TPRG1: variants seen among roughly 807,000 people sequenced by gnomAD.
TPRG1 encodes the protein tumor protein p63-regulated gene 1 protein.
Under a neutral mutation model 29.3 loss-of-function variants are expected in TPRG1, and 29 were observed. The ratio of observed to expected loss-of-function variants is 0.99; its 90% CI spans 0.74 to 1.35. TPRG1 has a LOEUF of 1.35. Among genes scored for constraint, TPRG1 ranks in the 40% most tolerant of loss-of-function variants. TPRG1 has a pLI of 0.00. For synonymous variants in TPRG1, 130 were observed against 116.8 expected (o/e 1.11, Z -0.73); for missense variants, 327 against 335.0 (o/e 0.98, Z 0.19).
intron 4 of TPRG1, among the ~76,000 whole-genome samples, chr3:189,302,956 T>C (rs1195445906): frequency 1.3e-5 from 2 of 152,194 alleles, no homozygotes; most frequent in Admixed American, 6.5e-5. Context: ...CTGATGGTGA[T>C]GGAGGAGACA....
At chr3:189,233,254 G>A (rs889002448) in intron 3 of TPRG1, among the ~76,000 whole-genome samples, 2 of 151,980 alleles carry the variant, frequency 1.3e-5, no homozygotes, top group Non-Finnish European at 2.9e-5. Flanking sequence ...TTCTTGGAAG[G>A]AAATTATTTC....
At chr3:189,320,151 G>GTTT (rs151175477) in intron 5 of TPRG1, among the ~76,000 whole-genome samples, 14 of 151,996 alleles carry the variant, frequency 9.2e-5, no homozygotes, top group African/African-American at 2.7e-4. Flanking sequence ...TGACAGCGGG[G>GTTT]TTTTTTTGCC....
Position 189,029,862 on chromosome 3 carries a change from G to C in TPRG1, c.-463+5916G>C, listed in dbSNP as rs117521366. ...TCTCTTTCTCTTGCTCTGATCATGT[G>C]ATACGCTGGCTCCCTATTGCCTTCC... On this transcript the variant is annotated intron_variant, in intron 4 of 10. Transcript: ENST00000433971. Among the ~76,000 whole-genome samples, 7 of 152,268 alleles carry C rather than the reference G, an allele frequency of 4.6e-5. No homozygotes were observed. In the East Asian group the frequency reaches 1.4e-3, roughly 29 times the overall value.
chr3:189,108,240 G>A (rs1198294953), intron 1 of TPRG1, among the ~76,000 whole-genome samples: 2 of 152,070 alleles, frequency 1.3e-5, no homozygotes, highest in African/African-American at 2.4e-5. Flanking sequence ...GTCAATCTGC[G>A]ATTGTTTAGA....
intron 4 of TPRG1, among the ~76,000 whole-genome samples, chr3:189,302,160 A>C (rs1319965396): frequency 1.3e-5 from 2 of 152,186 alleles, no homozygotes; most frequent in Non-Finnish European, 2.9e-5. Flanking sequence ...CCCCAGCTAA[A>C]AGGCCCCATA....
At chr3:189,059,186 TC>T (rs934156568) in intron 4 of TPRG1, among the ~76,000 whole-genome samples, 30 of 152,160 alleles carry the variant, frequency 2.0e-4, no homozygotes, top group African/African-American at 7.2e-4. Flanking sequence ...CATGAAGTAG[TC>T]CCAAGTTTCC....
intron 4 of TPRG1, among the ~76,000 whole-genome samples, chr3:189,307,840 A>C (rs922508672): frequency 1.3e-5 from 2 of 152,206 alleles, no homozygotes; most frequent in African/African-American, 4.8e-5. Context: ...ATTTCCACTG[A>C]GAAATAGCTG....
intron 4 of TPRG1, among the ~76,000 whole-genome samples, chr3:189,056,629 C>T (rs143823359): frequency 0.01 from 1,562 of 152,256 alleles, 27 homozygotes; most frequent in African/African-American, 0.036. Context: ...TTTACAAGTT[C>T]CTTGAGGTCA....
intron 1 of TPRG1, 152 bp from the exon 2 acceptor site, chr3:189,207,224 G>C (rs900639351): frequency 5.6e-6 from 8 of 1,434,928 alleles, no homozygotes; most frequent in Non-Finnish European, 7.3e-6. Flanking sequence ...GTGTTATGAA[G>C]CTGTATCCAC....
At chr3:189,286,528 T>TTCC (rs1718085355) in intron 4 of TPRG1, among the ~76,000 whole-genome samples, 1 of 152,036 alleles carries the variant, frequency 6.6e-6, no homozygotes, top group Non-Finnish European at 1.5e-5. Flanking sequence ...TTCCAGGACA[T>TTCC]AGGGGCAGAT....
chr3:189,008,687 G>A (rs995897079), intron 3 of TPRG1, among the ~76,000 whole-genome samples: 1 of 151,960 alleles, frequency 6.6e-6, no homozygotes, highest in Admixed American at 6.6e-5. Context: ...ATTAATTTGG[G>A]TTTTCTTCTT....
intron 4 of TPRG1, among the ~76,000 whole-genome samples, chr3:189,084,767 A>C (rs1717824102): frequency 1.3e-5 from 2 of 152,150 alleles, no homozygotes; most frequent in Admixed American, 1.3e-4. Context: ...GTATCTAGAT[A>C]CAGCCCATTA....
At chr3:189,171,320 A>C (rs567306912), upstream of TPRG1, among the ~76,000 whole-genome samples, 1 of 152,286 alleles carries the variant, frequency 6.6e-6, no homozygotes, top group East Asian at 1.9e-4. Flanking sequence ...CTGCAAAGCC[A>C]TTAAATGACA....
chr3:189,285,793 G>A (rs1717959664), intron 4 of TPRG1, among the ~76,000 whole-genome samples: 1 of 152,172 alleles, frequency 6.6e-6, no homozygotes, highest in East Asian at 1.9e-4. Flanking sequence ...CAAGTCTCCT[G>A]ACTCCAAAGC....
rs527566087 is a variant in TPRG1, at chr3:189,296,513, C to T, written c.480-13873C>T. Among the ~76,000 whole-genome samples the T allele has an allele frequency of 1.4e-4, 15 of 108,888 alleles. No individual in the cohort carries two copies. In the East Asian group the frequency reaches 2.1e-3, roughly 15 times the overall value. The allele number at this position is 108,888 out of a possible 152,430, so 71.4% of individuals were successfully genotyped here. A position where few individuals can be genotyped will look rare whatever the true frequency, so the allele number is the denominator to read the frequency against. Reference sequence around the variant, plus strand: ...ATGTGTAGATCTGTATATCTGTATACGGATGAACAGAAGGAGGGTGTTTCA... The same window carrying T: ...ATGTGTAGATCTGTATATCTGTATATGGATGAACAGAAGGAGGGTGTTTCA... On this transcript the variant is annotated intron_variant, in intron 4 of 5. Transcript: ENST00000345063.
rs561369063 is a variant in TPRG1 at position 189,033,266 on chromosome 3, G to T, written c.-463+9320G>T. ...TGGCTATTGAGAACAGCTACGCAGAGTCATTATTCCTTTTTTTTTTTTTTT... is the reference window on the plus strand; with the variant it reads ...TGGCTATTGAGAACAGCTACGCAGATTCATTATTCCTTTTTTTTTTTTTTT... On this transcript the variant is annotated intron_variant, in intron 4 of 10. Transcript: ENST00000433971. 1.9e-4 allele frequency among the ~76,000 whole-genome samples: 29 copies of T among 151,542 alleles called. 1 individual carries two copies. In the South Asian group the frequency reaches 5.7e-3, roughly 30 times the overall value.
At chr3:189,144,584 G>A (rs1478054178) in intron 3 of TPRG1, among the ~76,000 whole-genome samples, 1 of 152,144 alleles carries the variant, frequency 6.6e-6, no homozygotes, top group Non-Finnish European at 1.5e-5. Context: ...TTTAATAAAG[G>A]GGATTACTTG....
chr3:189,263,733 T>C (rs1460281372), intron 4 of TPRG1, among the ~76,000 whole-genome samples: 2 of 152,190 alleles, frequency 1.3e-5, no homozygotes, highest in Non-Finnish European at 2.9e-5. Context: ...TCTTGGGGAA[T>C]GGTATTATAT....
chr3:189,202,038 T>TA (rs1733585344), intron 1 of TPRG1, among the ~76,000 whole-genome samples: 1 of 152,296 alleles, frequency 6.6e-6, no homozygotes, highest in African/African-American at 2.4e-5. Context: ...TTCTGGCAAC[T>TA]AAGTGTGGCT....
Sources: gnomAD v4.1 joint callset for allele counts (sites outside exome capture counted in the v4.1 genomes callset) on GRCh38, gnomAD v4.1.1 for gene constraint, MANE v1.5 for transcripts, NCBI Gene and HGNC (gene_info 2026-07-23, HGNC 2026-07-21) for gene names.